The following ARSB variants were observed in gnomAD, a reference collection of about 807,000 sequenced individuals.
The protein encoded by ARSB is N-acetylgalactosamine-4-sulfatase.
ARSB carries 41 observed loss-of-function variants against 50.9 expected under a neutral mutation model. That is an observed-to-expected ratio of 0.81 (90% CI 0.63 to 1.04). The LOEUF (loss-of-function observed/expected upper bound fraction) is 1.04. Among genes scored for constraint, ARSB ranks in the 50% least tolerant of loss-of-function variants. The pLI, the probability that ARSB is intolerant of heterozygous loss-of-function variation, is 0.00. For missense variants in ARSB, 672 were observed against 693.3 expected, an observed-to-expected ratio of 0.97 and a Z score of 0.35; for synonymous variants, 269 against 284.8, an observed-to-expected ratio of 0.94 and a Z score of 0.56.
intron 4 of ARSB, among the ~76,000 whole-genome samples, 168 bp downstream of exon 4, chr5:78,955,127 T>C (rs1378398019): frequency 6.6e-6 from 1 of 152,238 alleles, no homozygotes; most frequent in Non-Finnish European, 1.5e-5. Context: ...CCCATCATTC[T>C]TTTTCCTTAG....
chr5:78,797,248 C>T (rs1263286014), intron 6 of ARSB, among the ~76,000 whole-genome samples: 2 of 152,148 alleles, frequency 1.3e-5, no homozygotes, highest in South Asian at 2.1e-4. Context: ...AGGCACGAGC[C>T]ACTGCGCCCG....
intron 3 of ARSB, among the ~76,000 whole-genome samples, chr5:78,959,492 C>T (rs993053508): frequency 6.6e-5 from 10 of 152,174 alleles, no homozygotes; most frequent in African/African-American, 2.4e-4. Flanking sequence ...GGAATCTGTG[C>T]TTCCCAAGAG....
intron 6 of ARSB, among the ~76,000 whole-genome samples, chr5:78,821,950 G>A (rs1744247094): frequency 6.6e-6 from 1 of 152,174 alleles, no homozygotes; most frequent in South Asian, 2.1e-4. Context: ...GGTCTGGCGT[G>A]GCTGGGGATA....
Position 78,985,283 on chromosome 5 carries a change from C to A in ARSB, c.-35G>T. The A allele has an allele frequency of 7.8e-7, 1 of 1,288,918 alleles. No individual in the cohort carries two copies. Among genetic ancestry groups the A allele is most frequent in the Non-Finnish European group, 9.8e-7 (1 of 1,022,716 alleles). The allele number at this position is 1,288,918 out of a possible 1,614,324, so 79.8% of individuals were successfully genotyped here. On this transcript the variant is annotated 5_prime_UTR_variant, in exon 1 of 8. Transcript: ENST00000264914. ...CCCGCGGTCCCAGCGCCTGTGGCGC[C>A]ACCAGCCCCTTGTACCGCTGATAGA...
intron 5 of ARSB, among the ~76,000 whole-genome samples, chr5:78,881,378 A>T (rs917255549): frequency 6.6e-6 from 1 of 152,184 alleles, no homozygotes; most frequent in African/African-American, 2.4e-5. Context: ...ACAAATAAAC[A>T]TGGGAAAGAC....
At chr5:78,929,232 C>A (rs1055348445) in intron 4 of ARSB, among the ~76,000 whole-genome samples, 1 of 152,180 alleles carries the variant, frequency 6.6e-6, no homozygotes, top group African/African-American at 2.4e-5. Flanking sequence ...AGGCATTGTG[C>A]TAGACTAGTG....
chr5:78,866,667 T>G (rs979936444), intron 5 of ARSB, among the ~76,000 whole-genome samples: 5 of 152,102 alleles, frequency 3.3e-5, no homozygotes, highest in African/African-American at 1.2e-4. Context: ...GCAGCTGAGA[T>G]GCTGAGAGAG....
At chr5:78,975,183 G>A (rs1292989555) in intron 1 of ARSB, among the ~76,000 whole-genome samples, 1 of 152,246 alleles carries the variant, frequency 6.6e-6, no homozygotes, top group East Asian at 1.9e-4. Flanking sequence ...GGAGTCCACT[G>A]AGAGGCCAGC....
chr5:78,929,144 G>A (rs868769888), intron 4 of ARSB, among the ~76,000 whole-genome samples: 5 of 152,146 alleles, frequency 3.3e-5, no homozygotes, highest in Admixed American at 1.3e-4. Context: ...CTGGGGAACC[G>A]TGGCTCCTGC....
intron 4 of ARSB, among the ~76,000 whole-genome samples, chr5:78,900,021 T>TATAA (rs1748729782): frequency 6.6e-6 from 1 of 152,212 alleles, no homozygotes; most frequent in South Asian, 2.1e-4. Flanking sequence ...TAGGTGGCGC[T>TATAA]ATAAGCCCAG....
chr5:78,944,871 C>G lies in ARSB; in HGVS notation c.898+10424G>C, dbSNP rs1751142722. On this transcript the variant is annotated intron_variant, in intron 4 of 7. Transcript: ENST00000264914. ...CTTTTGTTCAGCTATGCCCTGCCCCCAGAGGTGGAGTCTACAGAGGCAGAC... is the reference window on the plus strand; with the variant it reads ...CTTTTGTTCAGCTATGCCCTGCCCCGAGAGGTGGAGTCTACAGAGGCAGAC... Among the ~76,000 whole-genome samples the G allele has an allele frequency of 3.9e-5, 6 of 152,326 alleles. No homozygotes were observed. The South Asian group carries it at 1.2e-3, about 32-fold the overall frequency.
At chr5:78,822,759 T>G (rs1294665365) in intron 6 of ARSB, among the ~76,000 whole-genome samples, 1 of 152,162 alleles carries the variant, frequency 6.6e-6, no homozygotes, top group Admixed American at 6.5e-5. Flanking sequence ...TGCCTCAGCC[T>G]CCTGAGTAGC....
At chr5:78,883,267 A>T (rs1374716660) in intron 5 of ARSB, 1 of 152,204 alleles carries the variant, frequency 6.6e-6, no homozygotes, top group Non-Finnish European at 1.5e-5. Flanking sequence ...CAAAGCTTCA[A>T]AATTTCTGGT....
intron 4 of ARSB, among the ~76,000 whole-genome samples, chr5:78,952,728 AG>A (rs1751540101): frequency 6.6e-6 from 1 of 152,220 alleles, no homozygotes; most frequent in Admixed American, 6.5e-5. Flanking sequence ...CTTCTGTCTG[AG>A]CACATTTAAG....
At chr5:78,908,601 G>C (rs534722416) in intron 4 of ARSB, among the ~76,000 whole-genome samples, 1 of 152,302 alleles carries the variant, frequency 6.6e-6, no homozygotes, top group Non-Finnish European at 1.5e-5. Flanking sequence ...AGGGATTAGA[G>C]AGCATTCTCA....
chr5:78,839,149 T>C (rs1415612980), intron 6 of ARSB, among the ~76,000 whole-genome samples: 1 of 151,440 alleles, frequency 6.6e-6, no homozygotes. Context: ...AGAGCAAGAA[T>C]AGAATTCACC....
chr5:78,811,783 A>G (rs901201662), intron 6 of ARSB, among the ~76,000 whole-genome samples: 1 of 152,212 alleles, frequency 6.6e-6, no homozygotes, highest in African/African-American at 2.4e-5. Context: ...TATCTCAGGA[A>G]CTATAGATCG....
intron 4 of ARSB, among the ~76,000 whole-genome samples, chr5:78,928,508 G>T (rs337890): frequency 0.52 from 78,679 of 151,580 alleles, 20,282 homozygotes; most frequent in East Asian, 0.64. Context: ...TAGAGATGGG[G>T]TTTCGCCATG....
chr5:78,914,364 A>G (rs1188555867), intron 4 of ARSB, among the ~76,000 whole-genome samples: 3 of 152,224 alleles, frequency 2.0e-5, no homozygotes, highest in Non-Finnish European at 4.4e-5. Context: ...CTTTAAATCT[A>G]AAATCATGTG....
Sources: allele counts gnomAD v4.1 joint callset (sites outside exome capture counted in the v4.1 genomes callset), GRCh38; gene constraint gnomAD v4.1.1; transcripts MANE v1.5; gene names NCBI Gene and HGNC (gene_info 2026-07-23, HGNC 2026-07-21).